EYS: variants seen among roughly 807,000 people sequenced by gnomAD.
EYS encodes the protein EGF-like photoreceptor maintenance factor.
In EYS, 250 loss-of-function variants were observed where a neutral mutation model predicts 282.1. The observed-to-expected ratio is 0.89, with a 90% CI of 0.80 to 0.98. EYS has a LOEUF of 0.98. Ranked by LOEUF, EYS falls within the 50% of genes least tolerant of loss-of-function variation. The probability of loss-of-function intolerance (pLI) is 0.00; values close to 1 mark genes in which losing one functional copy is unlikely to be tolerated. For missense variants in EYS, 4,016 were observed against 3,709.0 expected, an observed-to-expected ratio of 1.08 and a Z score of -2.15; for synonymous variants, 1,355 against 1,282.9, an observed-to-expected ratio of 1.06 and a Z score of -1.20.
At chr6:64,960,820 C>T (rs1769886589) in intron 14 of EYS, among the ~76,000 whole-genome samples, 1 of 152,132 alleles carries the variant, frequency 6.6e-6, no homozygotes. Context: ...CCACCACCCT[C>T]TGATGGTCCC....
chr6:64,463,761 A>G (rs764710896), intron 26 of EYS, among the ~76,000 whole-genome samples: 14 of 152,214 alleles, frequency 9.2e-5, no homozygotes, highest in Non-Finnish European at 1.9e-4. Flanking sequence ...ATAAAGGATC[A>G]TAAGAGATAG....
At chr6:65,266,681 A>G (rs1403381814) in intron 12 of EYS, among the ~76,000 whole-genome samples, 5 of 151,590 alleles carry the variant, frequency 3.3e-5, no homozygotes, top group African/African-American at 9.7e-5. Flanking sequence ...TTTTTGTTGT[A>G]TCTCTGCCAG....
chr6:63,801,922 G>A lies in EYS; in HGVS notation c.7411+4268C>T, dbSNP rs574895318. Among the ~76,000 whole-genome samples, 3 of 152,154 alleles carry A rather than the reference G, an allele frequency of 2.0e-5. No homozygotes were observed. The East Asian group carries it at 5.8e-4, about 29-fold the overall frequency. ...TACTCAAGTTATTTTATAAACTCTGGGACTTTGTGCATCTCTTCACCTGAG... is the reference window on the plus strand; with the variant it reads ...TACTCAAGTTATTTTATAAACTCTGAGACTTTGTGCATCTCTTCACCTGAG... On this transcript the variant is annotated intron_variant, in intron 37 of 42. Coordinates refer to ENST00000503581, the MANE Select transcript of EYS (RefSeq NM_001142800.2).
chr6:64,913,489 G>A (rs1433514706), intron 15 of EYS, among the ~76,000 whole-genome samples: 3 of 151,970 alleles, frequency 2.0e-5, no homozygotes, highest in East Asian at 3.9e-4. Context: ...GCTTCCACTT[G>A]CAAGTGAGAA....
chr6:65,141,295 G>A (rs1003222661), intron 12 of EYS, among the ~76,000 whole-genome samples: 2 of 151,934 alleles, frequency 1.3e-5, no homozygotes, highest in African/African-American at 4.8e-5. Flanking sequence ...TGAACAACGA[G>A]AACACATGGA....
intron 12 of EYS, among the ~76,000 whole-genome samples, chr6:65,149,927 G>A (rs1764571250): frequency 6.6e-6 from 1 of 152,104 alleles, no homozygotes; most frequent in African/African-American, 2.4e-5. Flanking sequence ...TACAATCATG[G>A]AAGAAGCAAA....
At chr6:64,707,248 A>G (rs957452248) in intron 22 of EYS, among the ~76,000 whole-genome samples, 1 of 152,202 alleles carries the variant, frequency 6.6e-6, no homozygotes, top group African/African-American at 2.4e-5. Flanking sequence ...TCAGGAATGG[A>G]AAACCAAACA....
At chr6:63,955,133 G>A (rs2149769711) in intron 35 of EYS, among the ~76,000 whole-genome samples, 1 of 152,064 alleles carries the variant, frequency 6.6e-6, no homozygotes, top group African/African-American at 2.4e-5. Context: ...GTCTGAGAAG[G>A]CCAGCACAGT....
At chr6:65,600,555 T>C (rs1765580343) in intron 2 of EYS, among the ~76,000 whole-genome samples, 1 of 151,882 alleles carries the variant, frequency 6.6e-6, no homozygotes, top group Non-Finnish European at 1.5e-5. Context: ...CATAGGGAGG[T>C]ACTCAGAAAT....
intron 36 of EYS, among the ~76,000 whole-genome samples, chr6:63,823,926 A>C (rs560233556): frequency 1.3e-5 from 2 of 152,056 alleles, no homozygotes; most frequent in African/African-American, 2.4e-5. Context: ...CTTTCCTCCA[A>C]TTTTGTCTAG....
At chr6:64,858,835 C>G (rs1339928545) in intron 19 of EYS, among the ~76,000 whole-genome samples, 1 of 151,956 alleles carries the variant, frequency 6.6e-6, no homozygotes, top group Non-Finnish European at 1.5e-5. Context: ...GGGAATGTAC[C>G]TCAACACAGT....
At chr6:64,298,165 A>G (rs1437536738) in intron 30 of EYS, among the ~76,000 whole-genome samples, 2 of 152,186 alleles carry the variant, frequency 1.3e-5, no homozygotes, top group Non-Finnish European at 2.9e-5. Context: ...TTAATAGGCA[A>G]TTATTAAAGT....
intron 29 of EYS, among the ~76,000 whole-genome samples, chr6:64,314,594 G>T (rs1161522607): frequency 6.6e-6 from 1 of 152,008 alleles, no homozygotes; most frequent in Non-Finnish European, 1.5e-5. Context: ...CTCAAACCAT[G>T]GTGCAATCAA....
chr6:64,895,643 A>G (rs1005301990), intron 18 of EYS, among the ~76,000 whole-genome samples: 13 of 152,218 alleles, frequency 8.5e-5, no homozygotes, highest in African/African-American at 3.1e-4. Context: ...AAATAGACAT[A>G]TCCATATGTG....
In EYS at chr6:65,580,621, TTACTC is replaced by T. The variant is rs527266860; in HGVS notation, c.-333+59152_-333+59156del. 9.1e-4 allele frequency among the ~76,000 whole-genome samples: 139 copies of T among 152,230 alleles called. 2 individuals are homozygous for T. The highest frequency in any genetic ancestry group is 3.4e-3 in the Middle Eastern group (1 of 294). On this transcript the variant is annotated intron_variant, in intron 2 of 42. Coordinates refer to ENST00000503581, the MANE Select transcript of EYS (RefSeq NM_001142800.2). ...GAAGCAATTATTAATGATTAATACT[TTACTC>T]TGTGCTGTTATTTGAATGTCATAGA...
chr6:65,033,372 A>G (rs1772663078), intron 13 of EYS, among the ~76,000 whole-genome samples: 1 of 152,180 alleles, frequency 6.6e-6, no homozygotes, highest in African/African-American at 2.4e-5. Flanking sequence ...AGCCAGAGCA[A>G]TGGAAAACAT....
chr6:63,938,156 A>G (rs1440711205), intron 35 of EYS, among the ~76,000 whole-genome samples: 1 of 152,220 alleles, frequency 6.6e-6, no homozygotes, highest in African/African-American at 2.4e-5. Flanking sequence ...CGAAGTAGAA[A>G]GGAAATAGGA....
chr6:64,937,220 T>C (rs986203470), intron 15 of EYS, among the ~76,000 whole-genome samples: 9 of 151,446 alleles, frequency 5.9e-5, no homozygotes, highest in African/African-American at 2.2e-4. Flanking sequence ...AGAAATAAAA[T>C]TATTGTAATC....
At chr6:63,786,204 C>CAAAAA (rs1198772619) in intron 39 of EYS, 1 of 41,438 alleles carries the variant, frequency 2.4e-5, no homozygotes, top group African/African-American at 8.1e-5. Context: ...CAGCGAGACT[C>CAAAAA]AAAAAAAAAA....
Sources: allele counts gnomAD v4.1 joint callset (sites outside exome capture counted in the v4.1 genomes callset), GRCh38; gene constraint gnomAD v4.1.1; transcripts MANE v1.5; gene names NCBI Gene and HGNC (gene_info 2026-07-23, HGNC 2026-07-21).